PCNX1: variants seen among roughly 807,000 people sequenced by gnomAD.
PCNX1 encodes pecanex-like protein 1.
PCNX1 carries 78 observed loss-of-function variants against 242.2 expected under a neutral mutation model. The observed-to-expected ratio is 0.32, with a 90% CI of 0.27 to 0.39. The LOEUF is 0.39. Ranked by LOEUF, PCNX1 falls within the 10% of genes least tolerant of loss-of-function variation. PCNX1 has a pLI of 1.00. For missense variants in PCNX1, 2,581 were observed against 2,856.5 expected (o/e 0.90, Z 2.20); for synonymous variants, 1,024 against 1,032.9 (o/e 0.99, Z 0.17).
intron 1 of PCNX1, among the ~76,000 whole-genome samples, chr14:70,922,175 C>T (rs888544474): frequency 2.0e-5 from 3 of 152,044 alleles, no homozygotes; most frequent in Non-Finnish European, 2.9e-5. Context: ...GCTTTTTACC[C>T]AGTATGGTGT....
chr14:70,926,684 G>A (rs989818477), intron 1 of PCNX1, among the ~76,000 whole-genome samples: 2 of 152,072 alleles, frequency 1.3e-5, no homozygotes, highest in African/African-American at 2.4e-5. Flanking sequence ...TTGCCCCAGA[G>A]TTTATGTTCT....
At chr14:70,948,737 G>GTACATACA (rs1403663352) in intron 2 of PCNX1, among the ~76,000 whole-genome samples, 2 of 141,980 alleles carry the variant, frequency 1.4e-5, no homozygotes, top group Non-Finnish European at 3.1e-5. Context: ...ACATATATAT[G>GTACATACA]TGTATATGTA....
intron 19 of PCNX1, chr14:71,044,771 C>T (rs1377770780): frequency 5.4e-6 from 1 of 184,730 alleles, no homozygotes; most frequent in African/African-American, 2.4e-5. Flanking sequence ...TGGACCCCAC[C>T]TTACCCCATT....
At chr14:71,090,433 T>C (rs1000471188) in intron 30 of PCNX1, among the ~76,000 whole-genome samples, 1 of 152,232 alleles carries the variant, frequency 6.6e-6, no homozygotes, top group African/African-American at 2.4e-5. Flanking sequence ...CAAGTCATTA[T>C]AGTATAATCT....
intron 8 of PCNX1, 37 bp downstream of exon 8, chr14:70,995,962 C>T (rs1326437668): frequency 6.7e-7 from 1 of 1,493,612 alleles, no homozygotes; most frequent in Non-Finnish European, 9.3e-7. Context: ...GATACAAAAA[C>T]TTTAATGCAG....
chr14:70,970,863 G>C (rs1467203751), intron 5 of PCNX1, among the ~76,000 whole-genome samples: 2 of 152,036 alleles, frequency 1.3e-5, no homozygotes, highest in Non-Finnish European at 2.9e-5. Context: ...TGGCTTCATG[G>C]GACTTAGTTT....
chr14:70,920,399 G>T (rs966332208), intron 1 of PCNX1, among the ~76,000 whole-genome samples: 4 of 152,088 alleles, frequency 2.6e-5, no homozygotes, highest in African/African-American at 9.7e-5. Flanking sequence ...TCCCCTCACA[G>T]GCTAGAATTC....
chr14:70,909,413 C>T (rs2139976666), intron 1 of PCNX1, among the ~76,000 whole-genome samples: 1 of 152,282 alleles, frequency 6.6e-6, no homozygotes, highest in East Asian at 1.9e-4. Context: ...ATTTGCACTA[C>T]TATACCTTCC....
chr14:70,940,720 G>A (rs548206889), intron 1 of PCNX1, among the ~76,000 whole-genome samples: 248 of 152,310 alleles, frequency 1.6e-3, no homozygotes, highest in African/African-American at 5.7e-3. Context: ...CCTGAAGAGT[G>A]TCTTCCAACT....
chr14:71,055,296 A>G (rs2061151650), intron 24 of PCNX1, among the ~76,000 whole-genome samples: 1 of 152,078 alleles, frequency 6.6e-6, no homozygotes, highest in Admixed American at 6.6e-5. Flanking sequence ...TGCTATGTTC[A>G]TGTGTGGTGA....
intron 15 of PCNX1, among the ~76,000 whole-genome samples, chr14:71,027,395 T>C (rs1183525262): frequency 3.9e-5 from 6 of 151,966 alleles, no homozygotes; most frequent in Non-Finnish European, 5.9e-5. Context: ...GAGTAGAATA[T>C]GTGGCTATGA....
chr14:70,936,791 CTGT>C (rs1198263375), intron 1 of PCNX1, among the ~76,000 whole-genome samples: 3 of 152,186 alleles, frequency 2.0e-5, no homozygotes, highest in Admixed American at 6.5e-5. Flanking sequence ...TCTCCAGCAC[CTGT>C]TGTTTCCTGA....
intron 3 of PCNX1, among the ~76,000 whole-genome samples, chr14:70,966,582 C>T (rs1414187422): frequency 6.6e-6 from 1 of 152,290 alleles, no homozygotes; most frequent in East Asian, 1.9e-4. Flanking sequence ...GTTCATACAC[C>T]TACCTCTAGA....
intron 1 of PCNX1, among the ~76,000 whole-genome samples, chr14:70,928,730 G>A (rs1023751918): frequency 2.0e-5 from 3 of 152,086 alleles, no homozygotes; most frequent in African/African-American, 7.2e-5. Flanking sequence ...GGGAATTTTG[G>A]GGTAAAGAAT....
chr14:71,033,525 C>G lies in PCNX1; in HGVS notation c.3655C>G (p.Pro1219Ala), dbSNP rs1451830506. ...CCATCTCAGCCGACAAAGCAGTGATCCATCTGTACTTTTGTAAGTGAACTC... is the reference window on the plus strand; with the variant it reads ...CCATCTCAGCCGACAAAGCAGTGATGCATCTGTACTTTTGTAAGTGAACTC... ...SYHLSRQSSD[P>A]SVLFSLVQSK... Residue 1219 changes from proline (P) to alanine (A), a missense_variant, in exon 17 of 36, where the codon CCA (proline) becomes GCA (alanine). Around this residue, in one of 9 missense-constraint regions of PCNX1, gnomAD observed 432 missense variants for 443.1 expected, o/e 0.97. Coordinates refer to ENST00000304743, the MANE Select transcript of PCNX1 (RefSeq NM_014982.3). 2.6e-6 allele frequency: 4 copies of G among 1,560,514 alleles called. No homozygotes were observed. The highest frequency in any genetic ancestry group is 3.5e-6 in the Non-Finnish European group (4 of 1,134,256).
chr14:71,076,633 G>A (rs1306680746), intron 28 of PCNX1, among the ~76,000 whole-genome samples: 3 of 152,162 alleles, frequency 2.0e-5, no homozygotes, highest in African/African-American at 7.2e-5. Context: ...CATTTGCAGT[G>A]TCCCAGTCTC....
chr14:70,914,442 C>T (rs775586746), intron 1 of PCNX1, among the ~76,000 whole-genome samples: 24 of 152,076 alleles, frequency 1.6e-4, no homozygotes, highest in African/African-American at 2.7e-4. Context: ...TCTTTTGTGA[C>T]GTAAAGGTGG....
At position 70,922,758 on chromosome 14, in the gene PCNX1, C is replaced by CTTTTTT. The variant is rs200836942; in HGVS notation, c.153+14767_153+14772dup. 2.3e-5 allele frequency among the ~76,000 whole-genome samples: 3 copies of CTTTTTT among 132,336 alleles called. No individual in the cohort carries two copies. The South Asian group carries it at 7.1e-4, about 31-fold the overall frequency. The allele number at this position is 132,336 out of a possible 152,430, so 86.8% of individuals were successfully genotyped here. On this transcript the variant is annotated intron_variant, in intron 1 of 35. Coordinates refer to ENST00000304743, the MANE Select transcript of PCNX1 (RefSeq NM_014982.3). ...TAGTGGGGGACATTTAGGTCATTAC[C>CTTTTTT]TTTTTTTTTTTTTTTTTGCTAGTGC...
Position 71,045,261 on chromosome 14 carries a change from G to A in PCNX1, c.3996G>A (p.Glu1332=). Residue 1332 remains glutamate (E), a synonymous_variant, in exon 20 of 36, where the codon GAG becomes GAA. Coordinates refer to ENST00000304743, the MANE Select transcript of PCNX1 (RefSeq NM_014982.3). ...CTCATCCTCTGCTAAAGACACTAGA[G>A]TATAATCAGTATGAAGTTCGAAGTA... The part of the protein sequence containing the change: ...CFSHPLLKTL[E]YNQYEVRNAA... 6.2e-7 allele frequency: 1 copy of A among 1,605,456 alleles called. No homozygotes were observed. The highest frequency in any genetic ancestry group is 8.5e-7 in the Non-Finnish European group (1 of 1,177,424).
Sources: allele counts gnomAD v4.1 joint callset (sites outside exome capture counted in the v4.1 genomes callset), GRCh38; gene constraint gnomAD v4.1.1; regional missense constraint gnomAD v4.1.1; transcripts MANE v1.5; gene names NCBI Gene and HGNC (gene_info 2026-07-23, HGNC 2026-07-21).